The following RABGAP1L variants were observed in gnomAD, a reference collection of about 807,000 sequenced individuals.
RABGAP1L encodes rab GTPase-activating protein 1-like.
A neutral mutation model predicts 137.7 loss-of-function variants in RABGAP1L; 63 were observed. The observed-to-expected ratio is 0.46, with a 90% CI of 0.37 to 0.56. RABGAP1L has a LOEUF of 0.56. Ranked by LOEUF, RABGAP1L falls within the 20% of genes least tolerant of loss-of-function variation. The pLI is 0.00. For missense variants in RABGAP1L, 1,095 were observed against 1,244.0 expected (o/e 0.88, Z 1.80); for synonymous variants, 431 against 433.7 (o/e 0.99, Z 0.08).
At chr1:174,610,068 A>G (rs1027856089) in intron 13 of RABGAP1L, among the ~76,000 whole-genome samples, 2 of 148,676 alleles carry the variant, frequency 1.3e-5, no homozygotes, top group African/African-American at 4.9e-5. Flanking sequence ...TTTTATTATT[A>G]TTATATTTTA....
intron 19 of RABGAP1L, among the ~76,000 whole-genome samples, chr1:174,902,483 G>A (rs12068637): frequency 0.13 from 19,306 of 152,150 alleles, 1,281 homozygotes; most frequent in East Asian, 0.21. Context: ...CCTTCCTAGG[G>A]ATATATACAG....
chr1:174,559,644 T>G (rs1187260400), intron 13 of RABGAP1L, among the ~76,000 whole-genome samples: 1 of 152,228 alleles, frequency 6.6e-6, no homozygotes. Flanking sequence ...TAATTTCATT[T>G]GAGCCATTCC....
At chr1:174,926,679 G>T (rs1662888119) in intron 19 of RABGAP1L, among the ~76,000 whole-genome samples, 1 of 151,854 alleles carries the variant, frequency 6.6e-6, no homozygotes, top group Non-Finnish European at 1.5e-5. Flanking sequence ...CTAATTAAAT[G>T]ACTACAATCG....
intron 1 of RABGAP1L, among the ~76,000 whole-genome samples, chr1:174,218,631 TTTAG>T (rs910777054): frequency 3.3e-5 from 5 of 152,148 alleles, no homozygotes; most frequent in Non-Finnish European, 1.5e-5. Flanking sequence ...ATTAGTCAAC[TTTAG>T]TTACTCAGAA....
In RABGAP1L at chr1:174,444,450, C is replaced by A. The variant is rs142235724; in HGVS notation, c.1710+50305C>A. ...GCTTTTGGTATCAAGATAGTGCTGG[C>A]CTCACAGAATGAGTTTGGAAGTATT... is the stretch of plus-strand genomic sequence containing the variant. On this transcript the variant is annotated intron_variant, in intron 13 of 25. Transcript: ENST00000681986. 1.2e-4 allele frequency among the ~76,000 whole-genome samples: 19 copies of A among 152,018 alleles called. No individual in the cohort carries two copies. In the East Asian group the frequency reaches 3.5e-3, roughly 28 times the overall value.
intron 19 of RABGAP1L, among the ~76,000 whole-genome samples, chr1:174,853,354 C>T (rs1459318511): frequency 6.6e-6 from 1 of 151,538 alleles, no homozygotes; most frequent in Non-Finnish European, 1.5e-5. Flanking sequence ...AAATTGAAAT[C>T]TTCTGGGCTT....
chr1:174,653,688 C>T (rs1675744216), intron 14 of RABGAP1L, among the ~76,000 whole-genome samples: 1 of 152,214 alleles, frequency 6.6e-6, no homozygotes, highest in Non-Finnish European at 1.5e-5. Flanking sequence ...CTGGGAGCTG[C>T]AGACTGGAGC....
At chr1:174,887,039 A>G (rs1431731952) in intron 19 of RABGAP1L, among the ~76,000 whole-genome samples, 1 of 152,112 alleles carries the variant, frequency 6.6e-6, no homozygotes, top group African/African-American at 2.4e-5. Context: ...TCCTGACCTC[A>G]AGTGATCTGC....
At chr1:174,667,251 A>G (rs1336637639) in intron 14 of RABGAP1L, among the ~76,000 whole-genome samples, 1 of 152,196 alleles carries the variant, frequency 6.6e-6, no homozygotes, top group Non-Finnish European at 1.5e-5. Flanking sequence ...GATATCCTCC[A>G]TCTCTATTGA....
intron 10 of RABGAP1L, among the ~76,000 whole-genome samples, chr1:174,295,216 C>CTT (rs1186475150): frequency 3.7e-5 from 5 of 136,906 alleles, no homozygotes; most frequent in African/African-American, 2.7e-5. Flanking sequence ...TGCGCCCGGA[C>CTT]TTTTTTTTTT....
intron 17 of RABGAP1L, among the ~76,000 whole-genome samples, chr1:174,721,850 C>A (rs1353881533): frequency 6.6e-6 from 1 of 152,130 alleles, no homozygotes; most frequent in Non-Finnish European, 1.5e-5. Flanking sequence ...AAAATTACTC[C>A]TTTTTCTAAA....
intron 19 of RABGAP1L, among the ~76,000 whole-genome samples, chr1:174,912,620 A>G (rs1488138202): frequency 1.3e-5 from 2 of 152,196 alleles, no homozygotes; most frequent in Admixed American, 6.5e-5. Flanking sequence ...ATGTGTGTCA[A>G]TCTTAGATGA....
rs141101603 is a variant in RABGAP1L, at chr1:174,166,936, G to A, written c.-34+7279G>A. On this transcript the variant is annotated intron_variant, in intron 1 of 25. Coordinates refer to ENST00000681986, the MANE Select transcript of RABGAP1L (RefSeq NM_001366446.1). Reference sequence around the variant, plus strand: ...GTTGGTAAAAAGCTGGGCTACTTCTGGATAGTTGATAAAGAGTTTTTGAGA... The same window carrying A: ...GTTGGTAAAAAGCTGGGCTACTTCTAGATAGTTGATAAAGAGTTTTTGAGA... Among the ~76,000 whole-genome samples, 31 of 152,288 alleles carry A rather than the reference G, an allele frequency of 2.0e-4. No homozygotes were observed. The East Asian group carries it at 5.6e-3, about 27-fold the overall frequency.
At chr1:174,731,143 T>G (rs1558026895) in intron 17 of RABGAP1L, among the ~76,000 whole-genome samples, 1 of 152,120 alleles carries the variant, frequency 6.6e-6, no homozygotes, top group East Asian at 1.9e-4. Flanking sequence ...CCCACCTGTT[T>G]TGTATTTTTA....
chr1:174,410,623 A>G (rs1424844121), intron 13 of RABGAP1L, among the ~76,000 whole-genome samples: 1 of 152,174 alleles, frequency 6.6e-6, no homozygotes, highest in African/African-American at 2.4e-5. Context: ...ACCAATTATC[A>G]TGCTGTTTTG....
intron 11 of RABGAP1L, among the ~76,000 whole-genome samples, chr1:174,337,911 T>C (rs1490440598): frequency 6.6e-6 from 1 of 152,190 alleles, no homozygotes; most frequent in East Asian, 1.9e-4. Context: ...AGATTGCTTA[T>C]ATTTTAAATA....
chr1:174,168,264 C>CAAA (rs3056992), intron 1 of RABGAP1L, among the ~76,000 whole-genome samples: 7 of 64,702 alleles, frequency 1.1e-4, no homozygotes, highest in African/African-American at 2.9e-4. Flanking sequence ...GACTCGGTCT[C>CAAA]AAAAAAAAAA....
At chr1:174,327,999 A>ATATATATATATG (rs1680677578) in intron 11 of RABGAP1L, among the ~76,000 whole-genome samples, 3 of 113,822 alleles carry the variant, frequency 2.6e-5, no homozygotes, top group African/African-American at 1.3e-4. Flanking sequence ...ATATATATAT[A>ATATATATATATG]TATATATATA....
At chr1:174,981,548 A>ATTTTTTTT (rs1671109153) in intron 23 of RABGAP1L, among the ~76,000 whole-genome samples, 15 of 67,334 alleles carry the variant, frequency 2.2e-4, no homozygotes, top group South Asian at 4.7e-4. Flanking sequence ...CTGTTTTTCC[A>ATTTTTTTT]TCTTTTTTTT....
Sources: gnomAD v4.1 joint callset for allele counts (sites outside exome capture counted in the v4.1 genomes callset) on GRCh38, gnomAD v4.1.1 for gene constraint, MANE v1.5 for transcripts, NCBI Gene and HGNC (gene_info 2026-07-23, HGNC 2026-07-21) for gene names.